FGF14: variants seen among roughly 807,000 people sequenced by gnomAD.
FGF14 encodes fibroblast growth factor homologous factor 4.
FGF14 carries 5 observed loss-of-function variants against 25.5 expected under a neutral mutation model. The ratio of observed to expected loss-of-function variants is 0.20; its 90% CI spans 0.10 to 0.41. The LOEUF is 0.41. Ranked by LOEUF, FGF14 falls within the 10% of genes least tolerant of loss-of-function variation. The pLI, the probability that FGF14 is intolerant of heterozygous loss-of-function variation, is 1.00. For synonymous variants in FGF14, 138 were observed against 118.3 expected (o/e 1.17, Z -1.08); for missense variants, 222 against 320.1 (o/e 0.69, Z 2.34).
At chr13:102,389,837 G>A (rs1231599022) in intron 1 of FGF14, among the ~76,000 whole-genome samples, 1 of 152,184 alleles carries the variant, frequency 6.6e-6, no homozygotes. Context: ...TGAAGCTCAT[G>A]CTGTCTTCTA....
chr13:102,224,411 G>A (rs1056941765), intron 1 of FGF14, among the ~76,000 whole-genome samples: 14 of 152,058 alleles, frequency 9.2e-5, no homozygotes, highest in African/African-American at 2.4e-4. Flanking sequence ...GTGTAAAACC[G>A]TGTGCTCAGG....
chr13:102,202,278 C>T (rs1036785623), intron 1 of FGF14, among the ~76,000 whole-genome samples: 2 of 152,094 alleles, frequency 1.3e-5, no homozygotes, highest in Non-Finnish European at 1.5e-5. Context: ...GCCAGGGCCC[C>T]AAGAAAGATT....
intron 1 of FGF14, among the ~76,000 whole-genome samples, chr13:102,395,952 TAGTGGCAGCTA>T (rs2058572026): frequency 6.6e-6 from 1 of 151,836 alleles, no homozygotes; most frequent in Non-Finnish European, 1.5e-5. Flanking sequence ...GTAAAAAAAA[TAGTGGCAGCTA>T]GAGAACTACA....
intron 1 of FGF14, among the ~76,000 whole-genome samples, chr13:102,210,601 C>T (rs1158583819): frequency 4.6e-5 from 7 of 152,162 alleles, no homozygotes; most frequent in African/African-American, 1.4e-4. Flanking sequence ...TTTTAAAGTC[C>T]CTCCCAACTC....
chr13:102,026,333 T>G, intron 1 of FGF14, among the ~76,000 whole-genome samples: 1 of 152,032 alleles, frequency 6.6e-6, no homozygotes, highest in East Asian at 1.9e-4. Flanking sequence ...TGTTGCTAGA[T>G]TAAGATTTTT....
At position 102,401,633 on chromosome 13, in the gene FGF14, A is replaced by T. The variant is rs773941026; in HGVS notation, c.46T>A (p.Leu16Ile). 1 of 1,614,174 alleles carries T rather than the reference A, an allele frequency of 6.2e-7. No individual in the cohort carries two copies. Among genetic ancestry groups the T allele is most frequent in the Non-Finnish European group, 8.5e-7 (1 of 1,180,022 alleles). The change falls in exon 1 of 5, where the codon TTA (leucine) becomes ATA (isoleucine). Residue 16 changes from leucine (L) to isoleucine (I), a missense_variant. Coordinates refer to the FGF14 transcript ENST00000376131. ...AAGAGATCCTTGTGGTTGCATAATA[A>T]TAATTTGAAATCAGTTCTCCTGAAG...
intron 3 of FGF14, among the ~76,000 whole-genome samples, chr13:101,863,126 T>C (rs2044510877): frequency 6.6e-6 from 1 of 152,180 alleles, no homozygotes; most frequent in Middle Eastern, 3.2e-3. Flanking sequence ...CATAGATTGT[T>C]ATAATAATTG....
chr13:101,988,898 TTTTA>T lies in FGF14; in HGVS notation c.209-113606_209-113603del, dbSNP rs373150696. 2.4e-3 allele frequency among the ~76,000 whole-genome samples: 360 copies of T among 152,172 alleles called. 2 individuals are homozygous for T. The highest frequency in any genetic ancestry group is 7.8e-3 in the African/African-American group (326 of 41,548). ...ATATGTTTTGTTGTTGTGGGGTTTC[TTTTA>T]TTTGTTTGTTTGTTTTTTTACCCAC... On this transcript the variant is annotated intron_variant, in intron 1 of 4. Transcript: ENST00000376131.
intron 1 of FGF14, among the ~76,000 whole-genome samples, chr13:102,334,483 C>T (rs148522356): frequency 2.6e-5 from 4 of 152,058 alleles, no homozygotes; most frequent in Admixed American, 6.6e-5. Context: ...CAGATGATGG[C>T]CACTCTTCAG....
chr13:101,843,564 A>G (rs2043299519), intron 3 of FGF14, among the ~76,000 whole-genome samples: 1 of 152,050 alleles, frequency 6.6e-6, no homozygotes, highest in Admixed American at 6.6e-5. Flanking sequence ...AAATTGAAAT[A>G]TATACTTAAC....
Position 102,005,696 on chromosome 13 carries a change from T to C in FGF14, c.209-130400A>G, listed in dbSNP as rs141360063. 7.2e-5 allele frequency among the ~76,000 whole-genome samples: 11 copies of C among 152,296 alleles called. No homozygotes were observed. In the East Asian group the frequency reaches 1.9e-3, roughly 27 times the overall value. The stretch of plus-strand genomic sequence containing the variant: ...AGTCCAATGATGTAAATTAATCTTA[T>C]AAAACTAGCTAGTAAAACACATAAA... On this transcript the variant is annotated intron_variant, in intron 1 of 4. Transcript: ENST00000376131.
intron 1 of FGF14, among the ~76,000 whole-genome samples, chr13:102,165,356 A>G (rs1278457187): frequency 6.6e-6 from 1 of 152,088 alleles, no homozygotes; most frequent in Non-Finnish European, 1.5e-5. Flanking sequence ...CTATAAAGGC[A>G]CATGCACACG....
At chr13:102,359,283 A>G (rs1299947033) in intron 1 of FGF14, among the ~76,000 whole-genome samples, 3 of 152,206 alleles carry the variant, frequency 2.0e-5, no homozygotes, top group Admixed American at 6.5e-5. Context: ...TTACCTACGC[A>G]ATAAAGCTGC....
At chr13:101,935,701 T>C (rs1325978363) in intron 1 of FGF14, among the ~76,000 whole-genome samples, 2 of 152,052 alleles carry the variant, frequency 1.3e-5, no homozygotes, top group South Asian at 2.1e-4. Flanking sequence ...AATTACCCAG[T>C]GTCAGGTATT....
intron 1 of FGF14, among the ~76,000 whole-genome samples, chr13:102,374,077 A>G (rs771012683): frequency 1.3e-5 from 2 of 152,268 alleles, no homozygotes; most frequent in Non-Finnish European, 2.9e-5. Context: ...CTGAAAGTCT[A>G]TGTCTAATTG....
chr13:102,080,407 GAA>G (rs1323845559), intron 1 of FGF14, among the ~76,000 whole-genome samples: 1 of 152,182 alleles, frequency 6.6e-6, no homozygotes, highest in Non-Finnish European at 1.5e-5. Context: ...TTTGCTTAGA[GAA>G]GTCTTAGACA....
At chr13:102,037,413 GC>G (rs1275948504) in intron 1 of FGF14, among the ~76,000 whole-genome samples, 1 of 151,982 alleles carries the variant, frequency 6.6e-6, no homozygotes, top group Non-Finnish European at 1.5e-5. Context: ...TATTTTCAAA[GC>G]CAGCAAAATT....
At position 101,817,314 on chromosome 13, in the gene FGF14, C is replaced by T. The variant is rs146851827; in HGVS notation, c.408+51411G>A. 2.7e-3 allele frequency among the ~76,000 whole-genome samples: 411 copies of T among 151,792 alleles called. 1 individual carries two copies. Among genetic ancestry groups the T allele is most frequent in the African/African-American group, 9.3e-3 (384 of 41,402 alleles). On this transcript the variant is annotated intron_variant, in intron 3 of 4. Coordinates refer to ENST00000376143, the MANE Select transcript of FGF14 (RefSeq NM_004115.4). ...ATACAAACATGTGAAGTTTGTCTTA[C>T]AATTAATTAACAAAGAATCTTTAAA...
chr13:101,780,852 T>C (rs990793158), intron 3 of FGF14, among the ~76,000 whole-genome samples: 2 of 152,040 alleles, frequency 1.3e-5, no homozygotes, highest in African/African-American at 4.8e-5. Flanking sequence ...TTTCATTAAC[T>C]GAATTTAGGA....
Sources: allele counts gnomAD v4.1 joint callset (sites outside exome capture counted in the v4.1 genomes callset), GRCh38; gene constraint gnomAD v4.1.1; transcripts MANE v1.5; gene names NCBI Gene and HGNC (gene_info 2026-07-23, HGNC 2026-07-21).